SCP2: variants seen among roughly 807,000 people sequenced by gnomAD.
SCP2 encodes the protein SCP-2/3-oxoacyl-CoA thiolase.
Under a neutral mutation model 71.4 loss-of-function variants are expected in SCP2, and 48 were observed. That is an observed-to-expected ratio of 0.67 (90% confidence interval 0.53 to 0.86). The LOEUF (loss-of-function observed/expected upper bound fraction) is 0.86. SCP2 is among the 40% of genes least tolerant of loss of function. The pLI, the probability that SCP2 is intolerant of heterozygous loss-of-function variation, is 0.00. For missense variants in SCP2, 560 were observed against 655.6 expected, an observed-to-expected ratio of 0.85 and a Z score of 1.59; for synonymous variants, 220 against 218.1, an observed-to-expected ratio of 1.01 and a Z score of -0.08.
intron 12 of SCP2, 93 bp from the exon 13 acceptor site, chr1:53,027,876 G>A (rs879533190): frequency 2.1e-4 from 152 of 721,634 alleles, no homozygotes; most frequent in Middle Eastern, 6.9e-4. Flanking sequence ...TGTTCTTAGG[G>A]TTTTTGAAAA....
At chr1:52,943,250 T>A (rs976572567) in intron 2 of SCP2, among the ~76,000 whole-genome samples, 1 of 148,030 alleles carries the variant, frequency 6.8e-6, no homozygotes, top group African/African-American at 2.5e-5. Context: ...TGAGACGGAG[T>A]CTTGCTCTGT....
chr1:53,035,597 A>C lies in SCP2; in HGVS notation c.1339-3320A>C, dbSNP rs1050294075. Among the ~76,000 whole-genome samples, 17 of 151,680 alleles carry C rather than the reference A, an allele frequency of 1.1e-4. No individual in the cohort carries two copies. The East Asian group carries it at 1.4e-3, about 12-fold the overall frequency. ...AGTACATATAAAGGAAAATGTGTCC[A>C]AAAAAAAATCCAAAATAGCCAAGAA... is the stretch of plus-strand genomic sequence containing the variant. On this transcript the variant is annotated intron_variant, in intron 13 of 15. Coordinates refer to ENST00000371514, the MANE Select transcript of SCP2 (RefSeq NM_002979.5).
chr1:53,002,744 G>C (rs1660397377), intron 11 of SCP2, among the ~76,000 whole-genome samples: 1 of 152,074 alleles, frequency 6.6e-6, no homozygotes, highest in Admixed American at 6.6e-5. Context: ...TGTGATTTTT[G>C]TTTACATGTT....
chr1:53,002,319 T>C (rs1459216433), intron 11 of SCP2, among the ~76,000 whole-genome samples: 6 of 152,210 alleles, frequency 3.9e-5, no homozygotes, highest in African/African-American at 1.4e-4. Context: ...TTTAAAGGGA[T>C]AGTTGAATAT....
chr1:53,005,043 G>A (rs1217005657), intron 11 of SCP2, among the ~76,000 whole-genome samples: 2 of 152,226 alleles, frequency 1.3e-5, no homozygotes, highest in Non-Finnish European at 2.9e-5. Flanking sequence ...AGCAGTCTGA[G>A]ATTAAACTGC....
intron 2 of SCP2, among the ~76,000 whole-genome samples, chr1:52,947,412 G>C (rs1654910731): frequency 6.6e-6 from 1 of 152,058 alleles, no homozygotes; most frequent in South Asian, 2.1e-4. Flanking sequence ...GCTGCTCACT[G>C]TCATAAATGA....
chr1:53,039,154 A>T (rs1277536674), intron 14 of SCP2, 108 bp downstream of exon 14: 22 of 1,347,276 alleles, frequency 1.6e-5, no homozygotes, highest in Non-Finnish European at 2.3e-5. Flanking sequence ...CTGGCTTTTA[A>T]TGTTAAAGAA....
intron 2 of SCP2, chr1:52,943,755 T>A (rs1408176351): frequency 4.4e-6 from 2 of 449,700 alleles, no homozygotes; most frequent in Non-Finnish European, 9.0e-6. Context: ...CGAATCAGTT[T>A]AGTGGACTTC....
chr1:53,003,989 C>T (rs35078877), intron 11 of SCP2, among the ~76,000 whole-genome samples: 11,513 of 152,214 alleles, frequency 0.076, 615 homozygotes, highest in Non-Finnish European at 0.12. Context: ...ACTCCTCTTG[C>T]GCTTTGGGGC....
At chr1:53,024,106 A>G (rs1193701979) in intron 12 of SCP2, among the ~76,000 whole-genome samples, 1 of 152,156 alleles carries the variant, frequency 6.6e-6, no homozygotes, top group Admixed American at 6.5e-5. Flanking sequence ...GTTCATCTTA[A>G]AATGAAACCC....
intron 6 of SCP2, among the ~76,000 whole-genome samples, chr1:52,971,316 AC>A (rs1350756984): frequency 6.6e-6 from 1 of 151,996 alleles, no homozygotes; most frequent in Non-Finnish European, 1.5e-5. Context: ...TTCCTCAATT[AC>A]CTGGAAATCC....
chr1:52,993,546 A>G (rs1659692087), intron 11 of SCP2: 2 of 1,612,326 alleles, frequency 1.2e-6, no homozygotes, highest in African/African-American at 1.3e-5. Flanking sequence ...ACCAACAGGA[A>G]GCCCTCGCCA....
chr1:53,014,622 C>T (rs962663915), intron 11 of SCP2, among the ~76,000 whole-genome samples: 8 of 152,132 alleles, frequency 5.3e-5, no homozygotes, highest in African/African-American at 1.9e-4. Flanking sequence ...TATTTTTATG[C>T]CATTTTCCCT....
intron 12 of SCP2, among the ~76,000 whole-genome samples, chr1:53,022,605 A>C (rs1160862931): frequency 6.6e-6 from 1 of 152,210 alleles, no homozygotes; most frequent in Non-Finnish European, 1.5e-5. Context: ...GGTATGTGCC[A>C]GGACCACACT....
At chr1:52,943,582 T>TA (rs1654484438) in intron 2 of SCP2, 1 of 360,650 alleles carries the variant, frequency 2.8e-6, no homozygotes, top group African/African-American at 2.2e-5. Context: ...TGTCTGTTGT[T>TA]ACTCATTTGG....
intron 12 of SCP2, among the ~76,000 whole-genome samples, chr1:53,022,436 A>T (rs1661816537): frequency 1.3e-5 from 2 of 152,110 alleles, no homozygotes. Context: ...CATTTCCCTG[A>T]TGGCTATTGA....
chr1:52,969,368 G>A (rs1214951309), intron 6 of SCP2, among the ~76,000 whole-genome samples: 1 of 150,934 alleles, frequency 6.6e-6, no homozygotes, highest in Non-Finnish European at 1.5e-5. Flanking sequence ...AAGTTAGCTG[G>A]TGTGGTGGCA....
intron 11 of SCP2, chr1:52,995,194 G>T (rs1659839387): frequency 4.0e-6 from 2 of 497,266 alleles, no homozygotes. Context: ...AGAGTGCCCT[G>T]ATTGCATCAT....
intron 5 of SCP2, among the ~76,000 whole-genome samples, chr1:52,959,957 T>TC (rs1656190287): frequency 6.6e-6 from 1 of 151,752 alleles, no homozygotes; most frequent in Non-Finnish European, 1.5e-5. Flanking sequence ...AATGGCATGA[T>TC]CTCAGCTCAC....
Sources: allele counts gnomAD v4.1 joint callset (sites outside exome capture counted in the v4.1 genomes callset), GRCh38; gene constraint gnomAD v4.1.1; transcripts MANE v1.5; gene names NCBI Gene and HGNC (gene_info 2026-07-23, HGNC 2026-07-21).